GRAMD1B: variants seen among roughly 807,000 people sequenced by gnomAD.
The protein encoded by GRAMD1B is protein Aster-B.
GRAMD1B carries 37 observed loss-of-function variants against 99.7 expected under a neutral mutation model. The observed-to-expected ratio is 0.37, with a 90% confidence interval of 0.29 to 0.49. GRAMD1B has a LOEUF of 0.49. Ranked by LOEUF, GRAMD1B falls within the 20% of genes least tolerant of loss-of-function variation. The pLI is 0.98. For synonymous variants in GRAMD1B, 427 were observed against 387.6 expected (o/e 1.10, Z -1.19); for missense variants, 888 against 1,009.2 (o/e 0.88, Z 1.63).
intron 1 of GRAMD1B, among the ~76,000 whole-genome samples, chr11:123,456,720 G>A (rs969298330): frequency 1.3e-5 from 2 of 152,048 alleles, no homozygotes; most frequent in Admixed American, 6.5e-5. Flanking sequence ...AGGAGTTTGA[G>A]ACCAGACTGG....
rs751672365 is a variant in GRAMD1B, at chr11:123,621,866, T to TTTCTTTTC, written c.2545-638_2545-637insCTTTTCTT. On this transcript the variant is annotated intron_variant, in intron 19 of 19. Coordinates refer to ENST00000635736, the MANE Select transcript of GRAMD1B (RefSeq NM_001387025.1). ...CCCCATGCTAGATTGTCTTTCTTTC[T>TTTCTTTTC]TTTCTTTCTTTCTTTTTCTTTCTTT... Among the ~76,000 whole-genome samples, 45 of 73,674 alleles carry TTTCTTTTC rather than the reference T, an allele frequency of 6.1e-4. No individual in the cohort carries two copies. The South Asian group carries it at 0.017, about 28-fold the overall frequency. The allele number at this position is 73,674 out of a possible 152,430, so 48.3% of individuals were successfully genotyped here.
intron 1 of GRAMD1B, among the ~76,000 whole-genome samples, chr11:123,405,484 G>C (rs1185832705): frequency 6.6e-6 from 1 of 152,220 alleles, no homozygotes; most frequent in Non-Finnish European, 1.5e-5. Flanking sequence ...TTGTGGGTTA[G>C]AGAACCAGTC....
intron 1 of GRAMD1B, among the ~76,000 whole-genome samples, chr11:123,474,033 CAGT>C (rs1951141214): frequency 6.6e-6 from 1 of 152,168 alleles, no homozygotes; most frequent in South Asian, 2.1e-4. Context: ...TCTCTTCTGT[CAGT>C]GGTGGTGAGG....
At chr11:123,520,516 A>G (rs1942094069) in intron 2 of GRAMD1B, among the ~76,000 whole-genome samples, 1 of 152,188 alleles carries the variant, frequency 6.6e-6, no homozygotes, top group Admixed American at 6.6e-5. Flanking sequence ...CACACCTGCA[A>G]TCCCAGCACT....
At chr11:123,442,567 C>G (rs941343419) in intron 1 of GRAMD1B, among the ~76,000 whole-genome samples, 3 of 152,184 alleles carry the variant, frequency 2.0e-5, no homozygotes, top group Non-Finnish European at 4.4e-5. Flanking sequence ...GTCCAGAGTT[C>G]AAGACCAGTC....
At chr11:123,412,239 T>A (rs1276308373) in intron 1 of GRAMD1B, among the ~76,000 whole-genome samples, 1 of 152,240 alleles carries the variant, frequency 6.6e-6, no homozygotes, top group African/African-American at 2.4e-5. Context: ...TTATTTGGTG[T>A]TTTGATTGTT....
intron 1 of GRAMD1B, among the ~76,000 whole-genome samples, chr11:123,377,989 T>A (rs1043992326): frequency 1.3e-5 from 2 of 152,322 alleles, no homozygotes; most frequent in South Asian, 2.1e-4. Flanking sequence ...ACTCTGTCCT[T>A]TTTTCCCTGT....
At chr11:123,364,360 G>A (rs552183442) in intron 1 of GRAMD1B, among the ~76,000 whole-genome samples, 14 of 152,286 alleles carry the variant, frequency 9.2e-5, no homozygotes, top group East Asian at 3.9e-4. Context: ...AGGTATCTTC[G>A]TCTCTGACGC....
At chr11:123,469,801 T>TTCCTTCCTTCCTTCCTTCCG (rs1950915936) in intron 1 of GRAMD1B, among the ~76,000 whole-genome samples, 1 of 151,056 alleles carries the variant, frequency 6.6e-6, no homozygotes, top group Non-Finnish European at 1.5e-5. Context: ...CCTTCCTTCC[T>TTCCTTCCTTCCTTCCTTCCG]TCCTTCCTTC....
rs1565374174 is a variant in GRAMD1B, at chr11:123,560,717, TGTGTGTG to T, written c.453-16649_453-16643del. ...GTGTGTGTGTGTGTGTGTGTGTGTG[TGTGTGTG>T]TGTGTGTGTGTATCTTTGTTTCCTC... On this transcript the variant is annotated intron_variant, in intron 2 of 19. Coordinates refer to ENST00000635736, the MANE Select transcript of GRAMD1B (RefSeq NM_001387025.1). 8.1e-4 allele frequency: 368 copies of T among 454,498 alleles called. 1 individual carries two copies. The highest frequency in any genetic ancestry group is 7.0e-3 in the African/African-American group (349 of 49,916). The allele number at this position is 454,498 out of a possible 1,614,324, so 28.2% of individuals were successfully genotyped here.
At chr11:123,483,248 T>G (rs1951707605) in intron 2 of GRAMD1B, among the ~76,000 whole-genome samples, 1 of 152,162 alleles carries the variant, frequency 6.6e-6, no homozygotes, top group African/African-American at 2.4e-5. Context: ...GGGTGGGGCA[T>G]GTATACAGCG....
intron 14 of GRAMD1B, 65 bp from the exon 15 acceptor site, chr11:123,612,696 C>A (rs1434072110): frequency 1.1e-6 from 1 of 892,002 alleles, no homozygotes; most frequent in African/African-American, 1.6e-5. Context: ...TCCGAATTTC[C>A]CTTTTCCCAG....
At chr11:123,383,702 C>T (rs954607900) in intron 1 of GRAMD1B, among the ~76,000 whole-genome samples, 2 of 151,880 alleles carry the variant, frequency 1.3e-5, no homozygotes, top group African/African-American at 2.4e-5. Flanking sequence ...TTCTTAAATA[C>T]ACATCTCCCT....
chr11:123,368,233 G>A (rs1397304711), intron 1 of GRAMD1B, among the ~76,000 whole-genome samples: 2 of 133,542 alleles, frequency 1.5e-5, no homozygotes, highest in African/African-American at 3.0e-5. Flanking sequence ...CTGCCTGGGC[G>A]ACAGTGCGAA....
chr11:123,516,171 G>A (rs554409923), intron 2 of GRAMD1B, among the ~76,000 whole-genome samples: 31 of 152,308 alleles, frequency 2.0e-4, no homozygotes, highest in African/African-American at 6.5e-4. Context: ...GCACACAAGT[G>A]CCACTGGATC....
chr11:123,387,662 T>A (rs1565465704), intron 1 of GRAMD1B, among the ~76,000 whole-genome samples: 1 of 152,156 alleles, frequency 6.6e-6, no homozygotes, highest in African/African-American at 2.4e-5. Context: ...TCTCAGGGTT[T>A]TGTTTCCTGG....
intron 2 of GRAMD1B, among the ~76,000 whole-genome samples, chr11:123,534,700 T>C (rs1050649931): frequency 6.6e-6 from 1 of 151,844 alleles, no homozygotes; most frequent in African/African-American, 2.4e-5. Flanking sequence ...CTGTCTCTAC[T>C]AAAAATAAAA....
Position 123,498,388 on chromosome 11 carries a change from C to G in GRAMD1B, c.452+17495C>G, listed in dbSNP as rs144867548. Among the ~76,000 whole-genome samples the G allele has an allele frequency of 1.6e-3, 243 of 152,340 alleles. 3 individuals carry two copies. The highest frequency in any genetic ancestry group is 5.7e-3 in the African/African-American group (239 of 41,574). On this transcript the variant is annotated intron_variant, in intron 2 of 19. Transcript: ENST00000635736. ...TCTCCCTCTCCCAAGTGTACAGATTCTTCATGCTGCACATCCACTGCTGGA... is the reference window on the plus strand; with the variant it reads ...TCTCCCTCTCCCAAGTGTACAGATTGTTCATGCTGCACATCCACTGCTGGA...
At chr11:123,436,620 C>T (rs938072902) in intron 1 of GRAMD1B, among the ~76,000 whole-genome samples, 2 of 152,244 alleles carry the variant, frequency 1.3e-5, no homozygotes, top group South Asian at 4.1e-4. Flanking sequence ...AAGTGTTGCT[C>T]GAGGCAACTA....
Sources: gnomAD v4.1 joint callset for allele counts (sites outside exome capture counted in the v4.1 genomes callset) on GRCh38, gnomAD v4.1.1 for gene constraint, MANE v1.5 for transcripts, NCBI Gene and HGNC (gene_info 2026-07-23, HGNC 2026-07-21) for gene names.